XRN2: variants seen among roughly 807,000 people sequenced by gnomAD.
XRN2 encodes 5'-3' exoribonuclease 2.
Under a neutral mutation model 138.5 loss-of-function variants are expected in XRN2, and 44 were observed. The ratio of observed to expected loss-of-function variants is 0.32; its 90% CI spans 0.25 to 0.41. XRN2 has a LOEUF of 0.41. Among genes scored for constraint, XRN2 ranks in the 10% least tolerant of loss-of-function variants. XRN2 has a pLI of 1.00. For missense variants in XRN2, 937 were observed against 1,169.3 expected (o/e 0.80, Z 2.90); for synonymous variants, 354 against 369.4 (o/e 0.96, Z 0.48).
intron 29 of XRN2, among the ~76,000 whole-genome samples, chr20:21,387,282 C>T (rs926536461): frequency 6.6e-6 from 1 of 152,164 alleles, no homozygotes; most frequent in Non-Finnish European, 1.5e-5. Context: ...TAGTCAGTCA[C>T]CAAAACACAT....
chr20:21,359,702 G>A (rs1021499855), intron 24 of XRN2, among the ~76,000 whole-genome samples: 6 of 152,052 alleles, frequency 3.9e-5, no homozygotes, highest in Non-Finnish European at 5.9e-5. Flanking sequence ...TCTGAAGGGC[G>A]GCAACATTGA....
At chr20:21,377,957 G>A (rs981582557) in intron 27 of XRN2, among the ~76,000 whole-genome samples, 5 of 152,088 alleles carry the variant, frequency 3.3e-5, no homozygotes, top group African/African-American at 1.2e-4. Context: ...TCCGTCCCTC[G>A]ACAGACCGGC....
rs753574165 is a variant in XRN2, at chr20:21,368,572, A to T, written c.2566A>T (p.Ile856Phe). The change falls in exon 27 of 30, where the codon ATT becomes TTT. Residue 856 changes from isoleucine to phenylalanine, a missense_variant. By Grantham distance (21) the Ile-to-Phe change is conservative (BLOSUM62 0). This residue lies in a region of XRN2 where 372 missense variants were observed against 414.4 expected (regional missense o/e 0.90). Coordinates refer to ENST00000377191, the MANE Select transcript of XRN2 (RefSeq NM_012255.5). Reference protein sequence around the residue: ...YRPLLRGQAQIPKLMSNMRPQ... With the variant: ...YRPLLRGQAQFPKLMSNMRPQ... ...GCCGCTTTTGAGAGGACAAGCCCAG[A>T]TTCCAAAACTTATGTCAAGTAAGCT... is the stretch of plus-strand genomic sequence containing the variant. The T allele has an allele frequency of 6.2e-7, 1 of 1,613,780 alleles. No homozygotes were observed. The highest frequency in any genetic ancestry group is 8.5e-7 in the Non-Finnish European group (1 of 1,179,848).
At chr20:21,324,846 A>G (rs958519912) in intron 1 of XRN2, among the ~76,000 whole-genome samples, 40 of 152,322 alleles carry the variant, frequency 2.6e-4, no homozygotes, top group African/African-American at 8.7e-4. Context: ...TTTGTGTATC[A>G]TGAAATTGAC....
At chr20:21,331,917 C>G in intron 8 of XRN2, 99 bp downstream of exon 8, 1 of 1,320,014 alleles carries the variant, frequency 7.6e-7, no homozygotes, top group Admixed American at 2.2e-5. Context: ...CCTGGAAGTT[C>G]CAAAATGCCT....
intron 28 of XRN2, among the ~76,000 whole-genome samples, chr20:21,382,567 T>G (rs971932448): frequency 6.6e-6 from 1 of 152,306 alleles, no homozygotes; most frequent in East Asian, 1.9e-4. Context: ...TCAGTAGTTA[T>G]TAGTTGCCAC....
In XRN2 at chr20:21,356,620, T is replaced by C. The variant is rs770664358; in HGVS notation, c.2153T>C (p.Ile718Thr). 20 of 1,613,656 alleles carry C rather than the reference T, an allele frequency of 1.2e-5. No homozygotes were observed. The South Asian group carries it at 2.2e-4, about 18-fold the overall frequency. ...GTACCCCCTGAACTATGTCATGGGATTCAAGGAAAGTTTTCTTTGGATGAA... is the reference window on the plus strand; with the variant it reads ...GTACCCCCTGAACTATGTCATGGGACTCAAGGAAAGTTTTCTTTGGATGAA... Reference protein sequence around the residue: ...VEVPPELCHGIQGKFSLDEEA... With the variant: ...VEVPPELCHGTQGKFSLDEEA... The change falls in exon 23 of 30, where the codon ATT becomes ACT. Residue 718 changes from isoleucine to threonine, a missense_variant. Transcript: ENST00000377191.
chr20:21,318,628 A>G (rs1027502089), intron 1 of XRN2, among the ~76,000 whole-genome samples: 1 of 152,092 alleles, frequency 6.6e-6, no homozygotes, highest in African/African-American at 2.4e-5. Flanking sequence ...TATGTATTCC[A>G]TAACATTTTG....
At chr20:21,348,577 G>A in intron 19 of XRN2, 147 bp downstream of exon 19, 2 of 730,516 alleles carry the variant, frequency 2.7e-6, no homozygotes, top group Admixed American at 5.8e-5. Flanking sequence ...TATATTTCCT[G>A]CTTTCTTTGG....
At chr20:21,320,908 T>C (rs953730566) in intron 1 of XRN2, among the ~76,000 whole-genome samples, 16 of 152,234 alleles carry the variant, frequency 1.1e-4, no homozygotes, top group African/African-American at 3.6e-4. Context: ...CCCAGCCATC[T>C]TAATCCCGAG....
At chr20:21,365,360 T>C in intron 24 of XRN2, 61 bp from the exon 25 acceptor site, 1 of 1,529,122 alleles carries the variant, frequency 6.5e-7, no homozygotes, top group South Asian at 1.2e-5. Context: ...AATACCTCAG[T>C]CTACATGATA....
At chr20:21,358,917 C>T (rs2038605827) in intron 24 of XRN2, among the ~76,000 whole-genome samples, 1 of 152,128 alleles carries the variant, frequency 6.6e-6, no homozygotes, top group Non-Finnish European at 1.5e-5. Context: ...GTGTATTAAC[C>T]CTTGGAGTCT....
intron 1 of XRN2, among the ~76,000 whole-genome samples, chr20:21,310,976 C>A (rs907107189): frequency 6.6e-6 from 1 of 152,000 alleles, no homozygotes; most frequent in Non-Finnish European, 1.5e-5. Context: ...TGGTCTTGAT[C>A]TCCTGACCTC....
chr20:21,367,760 G>T (rs2038719619), intron 26 of XRN2, among the ~76,000 whole-genome samples: 1 of 152,108 alleles, frequency 6.6e-6, no homozygotes, highest in Non-Finnish European at 1.5e-5. Context: ...AGCAGTAAAA[G>T]AAATGCAGAT....
intron 13 of XRN2, among the ~76,000 whole-genome samples, chr20:21,338,565 T>C (rs915788306): frequency 4.6e-5 from 7 of 152,228 alleles, no homozygotes; most frequent in African/African-American, 1.7e-4. Context: ...ATGCATGCTA[T>C]AGAATAAGAG....
At chr20:21,358,876 A>G (rs952827661) in intron 24 of XRN2, among the ~76,000 whole-genome samples, 1 of 152,216 alleles carries the variant, frequency 6.6e-6, no homozygotes, top group Admixed American at 6.5e-5. Flanking sequence ...ATCACAAACA[A>G]TCTGGCTCTG....
Position 21,330,475 on chromosome 20 carries a change from C to T in XRN2, c.428-6C>T, listed in dbSNP as rs778680766. ...GGGAGAACAAAACGTTGCCTCTTTTCTCTAGGTGGCTTTCTTCCTCCAGAA... is the reference window on the plus strand; with the variant it reads ...GGGAGAACAAAACGTTGCCTCTTTTTTCTAGGTGGCTTTCTTCCTCCAGAA... On this transcript the variant is annotated splice_polypyrimidine_tract_variant and splice_region_variant and intron_variant, in intron 4 of 29. Transcript: ENST00000377191. 1.1e-5 allele frequency: 17 copies of T among 1,613,042 alleles called. No individual in the cohort carries two copies. The highest frequency in any genetic ancestry group is 1.4e-5 in the Non-Finnish European group (17 of 1,179,852).
At chr20:21,373,664 A>G (rs1165964401) in intron 27 of XRN2, among the ~76,000 whole-genome samples, 1 of 152,214 alleles carries the variant, frequency 6.6e-6, no homozygotes, top group Non-Finnish European at 1.5e-5. Context: ...TTGCACTTTT[A>G]GCTATTTGAC....
chr20:21,325,735 C>T (rs2038117656), intron 1 of XRN2, among the ~76,000 whole-genome samples: 1 of 152,116 alleles, frequency 6.6e-6, no homozygotes, highest in Admixed American at 6.5e-5. Flanking sequence ...CTGTGAGAAT[C>T]ATTAGAAAAA....
Sources: gnomAD v4.1 joint callset for allele counts (sites outside exome capture counted in the v4.1 genomes callset) on GRCh38, gnomAD v4.1.1 for gene constraint, gnomAD v4.1.1 regional missense constraint, MANE v1.5 for transcripts, NCBI Gene and HGNC (gene_info 2026-07-23, HGNC 2026-07-21) for gene names.